The following ROR2 variants were observed in gnomAD, a reference collection of about 807,000 sequenced individuals.
ROR2 encodes the protein ROR family WNT receptor 2, also known as tyrosine-protein kinase transmembrane receptor ROR2.
A neutral mutation model predicts 74.9 loss-of-function variants in ROR2; 33 were observed. That is an observed-to-expected ratio of 0.44 (90% CI 0.33 to 0.59). The LOEUF (loss-of-function observed/expected upper bound fraction) is 0.59. ROR2 is among the 20% of genes least tolerant of loss of function. The probability of loss-of-function intolerance (pLI) is 0.02; values close to 1 mark genes in which losing one functional copy is unlikely to be tolerated. For synonymous variants in ROR2, 586 were observed against 558.7 expected (o/e 1.05, Z -0.69); for missense variants, 1,216 against 1,313.8 (o/e 0.93, Z 1.15).
At chr9:91,791,429 A>G (rs1477797055) in intron 1 of ROR2, among the ~76,000 whole-genome samples, 1 of 152,220 alleles carries the variant, frequency 6.6e-6, no homozygotes, top group Non-Finnish European at 1.5e-5. Flanking sequence ...GCCTGGTGAC[A>G]TATTTTTTCA....
At chr9:91,743,084 A>G (rs1166534352) in intron 4 of ROR2, among the ~76,000 whole-genome samples, 3 of 152,216 alleles carry the variant, frequency 2.0e-5, no homozygotes, top group Non-Finnish European at 2.9e-5. Flanking sequence ...TGTCCCTACA[A>G]GGAGAAAATC....
At chr9:91,917,679 C>T (rs143540214) in intron 1 of ROR2, among the ~76,000 whole-genome samples, 2 of 152,322 alleles carry the variant, frequency 1.3e-5, no homozygotes, top group African/African-American at 2.4e-5. Flanking sequence ...GCAAAACCAG[C>T]GTACCTGGTG....
chr9:91,734,703 T>C (rs1824962328), intron 5 of ROR2, among the ~76,000 whole-genome samples: 3 of 152,098 alleles, frequency 2.0e-5, no homozygotes, highest in African/African-American at 7.2e-5. Flanking sequence ...GAAGAGTGAT[T>C]TGAGACCCCA....
At chr9:91,739,916 C>T (rs538992383) in intron 4 of ROR2, among the ~76,000 whole-genome samples, 32 of 152,362 alleles carry the variant, frequency 2.1e-4, no homozygotes, top group African/African-American at 7.2e-4. Context: ...ATGTCCCTGT[C>T]TGGAGGCGGG....
At chr9:91,729,432 C>T (rs553174192) in intron 7 of ROR2, among the ~76,000 whole-genome samples, 1 of 152,348 alleles carries the variant, frequency 6.6e-6, no homozygotes, top group South Asian at 2.1e-4. Context: ...ATAATGAACA[C>T]ATTCTTGAAG....
At chr9:91,911,818 C>A (rs2119442013) in intron 1 of ROR2, among the ~76,000 whole-genome samples, 1 of 150,108 alleles carries the variant, frequency 6.7e-6, no homozygotes, top group South Asian at 2.1e-4. Context: ...CTCCTTAACC[C>A]AGTGATCAAA....
At chr9:91,803,442 GA>G (rs1827454894) in intron 1 of ROR2, among the ~76,000 whole-genome samples, 1 of 152,232 alleles carries the variant, frequency 6.6e-6, no homozygotes, top group South Asian at 2.1e-4. Flanking sequence ...TATGCAGGAT[GA>G]AAACAGTTTT....
At chr9:91,727,745 AG>A (rs1185434335) in intron 7 of ROR2, among the ~76,000 whole-genome samples, 2 of 152,204 alleles carry the variant, frequency 1.3e-5, no homozygotes, top group Non-Finnish European at 2.9e-5. Context: ...CCCCATGGCC[AG>A]GGGGCAAAGC....
At chr9:91,942,661 A>C (rs1831905362) in intron 1 of ROR2, among the ~76,000 whole-genome samples, 1 of 152,116 alleles carries the variant, frequency 6.6e-6, no homozygotes, top group South Asian at 2.1e-4. Context: ...TAGTCTTTCC[A>C]GTAGTAATAA....
chr9:91,764,082 TTC>T (rs1288144453), intron 2 of ROR2, among the ~76,000 whole-genome samples: 1 of 152,362 alleles, frequency 6.6e-6, no homozygotes, highest in African/African-American at 2.4e-5. Context: ...CTTTTAGTAA[TTC>T]TGTCAAGTTG....
At position 91,829,121 on chromosome 9, in the gene ROR2, G is replaced by A. The variant is rs141162623; in HGVS notation, c.98-53303C>T. On this transcript the variant is annotated intron_variant, in intron 1 of 8. Transcript: ENST00000375708. Reference sequence around the variant, plus strand: ...AAATATATGTTAACTAGACATCATGGCACTGTCCCACCTCCAAGCCAATTA... The same window carrying A: ...AAATATATGTTAACTAGACATCATGACACTGTCCCACCTCCAAGCCAATTA... Among the ~76,000 whole-genome samples, 15 of 152,282 alleles carry A rather than the reference G, an allele frequency of 9.9e-5. 2 individuals are homozygous for A. The highest frequency in any genetic ancestry group is 2.2e-4 in the Non-Finnish European group (15 of 68,024).
At chr9:91,801,835 T>G (rs1383352272) in intron 1 of ROR2, among the ~76,000 whole-genome samples, 2 of 152,198 alleles carry the variant, frequency 1.3e-5, no homozygotes, top group Admixed American at 1.3e-4. Flanking sequence ...ATGCTGAACA[T>G]GAACGGGCGG....
intron 1 of ROR2, among the ~76,000 whole-genome samples, chr9:91,875,758 C>T (rs1315875376): frequency 6.6e-6 from 1 of 152,118 alleles, no homozygotes; most frequent in Non-Finnish European, 1.5e-5. Context: ...AGACACATAG[C>T]ACAGCAAGCC....
At chr9:91,755,799 A>G (rs1475188619) in intron 4 of ROR2, 1 of 564,812 alleles carries the variant, frequency 1.8e-6, no homozygotes, top group African/African-American at 1.9e-5. Flanking sequence ...TGGCCTGTAT[A>G]TTTATACTCC....
At chr9:91,832,648 A>C (rs1174086926) in intron 1 of ROR2, among the ~76,000 whole-genome samples, 1 of 152,190 alleles carries the variant, frequency 6.6e-6, no homozygotes, top group African/African-American at 2.4e-5. Context: ...AGCGGTGCCC[A>C]CAGTTCCAGC....
intron 2 of ROR2, among the ~76,000 whole-genome samples, chr9:91,759,214 T>TA (rs1825843465): frequency 6.6e-6 from 1 of 151,198 alleles, no homozygotes; most frequent in South Asian, 2.1e-4. Context: ...GATGGAGAGG[T>TA]GGGGGAAGCC....
At chr9:91,914,946 T>C (rs533787576) in intron 1 of ROR2, among the ~76,000 whole-genome samples, 1 of 147,506 alleles carries the variant, frequency 6.8e-6, no homozygotes, top group Non-Finnish European at 1.5e-5. Flanking sequence ...ATCTTTCATA[T>C]GGGTAGGTGG....
At position 91,737,468 on chromosome 9, in the gene ROR2, C is replaced by T. The variant is rs1825070932; in HGVS notation, c.545G>A (p.Cys182Tyr). The change falls in exon 5 of 9, where the codon TGT becomes TAT. Residue 182 changes from cysteine to tyrosine, a missense_variant. Physicochemically the swap from Cys to Tyr is radical, Grantham distance 194. Transcript: ENST00000375708. Reference protein sequence around the residue: ...GFCQPYRGIACARFIGNRTIY... With the variant: ...GFCQPYRGIAYARFIGNRTIY... ...GGTCCGGTTGCCAATGAAGCGTGCA[C>T]AGGCAATTCCCCGGTAAGGCTGGCA... The T allele has an allele frequency of 1.2e-6, 2 of 1,614,188 alleles. No homozygotes were observed. The highest frequency in any genetic ancestry group is 1.7e-6 in the Non-Finnish European group (2 of 1,180,034).
rs1048156984 is a variant in ROR2, at chr9:91,775,757, C to T, written c.159G>A (p.Pro53=). The T allele has an allele frequency of 7.4e-6, 12 of 1,614,052 alleles. No individual in the cohort carries two copies. The highest frequency in any genetic ancestry group is 1.3e-5 in the African/African-American group (1 of 75,008). The change falls in exon 2 of 9, where the codon CCG becomes CCA. Residue 53 remains proline, a synonymous_variant. Coordinates refer to ENST00000375708, the MANE Select transcript of ROR2 (RefSeq NM_004560.4). ...PLGPLDGQDG[P]IPTLKGYFLN... ...CCAGCTCACCTTTCAGAGTTGGAAT[C>T]GGGCCGTCCTGCCCATCAAGGGGTC...
Sources: allele counts gnomAD v4.1 joint callset (sites outside exome capture counted in the v4.1 genomes callset), GRCh38; gene constraint gnomAD v4.1.1; transcripts MANE v1.5; gene names NCBI Gene and HGNC (gene_info 2026-07-23, HGNC 2026-07-21).